The following ACSM6 variants were observed in gnomAD, a reference collection of about 807,000 sequenced individuals.
ACSM6 encodes the protein acyl-CoA synthetase medium chain family member 6.
Under a neutral mutation model 51.1 loss-of-function variants are expected in ACSM6, and 35 were observed. That is an observed-to-expected ratio of 0.69 (90% CI 0.52 to 0.91). The LOEUF is 0.91. ACSM6 is among the 40% of genes least tolerant of loss of function. The pLI, the probability that ACSM6 is intolerant of heterozygous loss-of-function variation, is 0.00. For missense variants in ACSM6, 509 were observed against 584.1 expected (o/e 0.87, Z 1.32); for synonymous variants, 172 against 207.3 (o/e 0.83, Z 1.46).
At chr10:95,219,620 G>C (rs1350632076) in intron 8 of ACSM6, among the ~76,000 whole-genome samples, 3 of 152,064 alleles carry the variant, frequency 2.0e-5, no homozygotes, top group Admixed American at 1.3e-4. Flanking sequence ...TTAAAAAACT[G>C]AGTTGTTGGT....
At chr10:95,197,203 G>A (rs1384830050) in intron 2 of ACSM6, among the ~76,000 whole-genome samples, 1 of 152,112 alleles carries the variant, frequency 6.6e-6, no homozygotes, top group African/African-American at 2.4e-5. Context: ...ATGAAGGGGT[G>A]GCCTGCCCCT....
At chr10:95,214,733 C>T (rs921544413) in intron 7 of ACSM6, 119 bp from the exon 8 acceptor site, 4 of 1,183,864 alleles carry the variant, frequency 3.4e-6, no homozygotes, top group Non-Finnish European at 3.5e-6. Flanking sequence ...TCAACCACCA[C>T]TTAATGAGCA....
rs140596898 is a variant in ACSM6 at position 95,207,275 on chromosome 10, T to C, written c.471T>C (p.Ser157=). The C allele has an allele frequency of 9.1e-5, 147 of 1,614,180 alleles. No individual in the cohort carries two copies. In the African/African-American group the frequency reaches 1.9e-3, roughly 20 times the overall value. ...AAATTCGCTATCAATTACGCATGTC[T>C]AAGGCCCAGTGCATTGTGGCTAATG... Residue 157 remains serine (S), a synonymous_variant, in exon 4 of 11, where the codon TCT becomes TCC. Coordinates refer to ENST00000341686, the Ensembl canonical transcript of ACSM6.
At chr10:95,214,334 C>A (rs982970787) in intron 7 of ACSM6, among the ~76,000 whole-genome samples, 6 of 152,134 alleles carry the variant, frequency 3.9e-5, no homozygotes, top group African/African-American at 1.4e-4. Flanking sequence ...TCACCAAAAT[C>A]AAATAAACAT....
At chr10:95,227,143 C>T (rs973788301) in intron 10 of ACSM6, among the ~76,000 whole-genome samples, 2 of 152,066 alleles carry the variant, frequency 1.3e-5, no homozygotes, top group Admixed American at 6.6e-5. Context: ...CTCACCACCA[C>T]GCCTAGCTAA....
exon 8 of ACSM6, chr10:95,214,876 G>T: frequency 6.4e-7 from 1 of 1,551,668 alleles, no homozygotes; most frequent in Non-Finnish European, 8.7e-7. Context: ...GTCTGAAGCA[G>T]TGTGTGGCTG....
In ACSM6 at chr10:95,207,191, T is replaced by C; in HGVS notation, c.404-17T>C. 1 of 1,569,230 alleles carries C rather than the reference T, an allele frequency of 6.4e-7. No homozygotes were observed. Among genetic ancestry groups the C allele is most frequent in the Non-Finnish European group, 8.6e-7 (1 of 1,156,958 alleles). ...TCAAAAGATAAAAATGAAGCCTTCT[T>C]TTGTGGTTTTTTTCAGGAATCACCT... is the stretch of plus-strand genomic sequence containing the variant. On this transcript the variant is annotated splice_polypyrimidine_tract_variant and intron_variant, in intron 3 of 10. Coordinates refer to ENST00000341686, the Ensembl canonical transcript of ACSM6.
chr10:95,200,499 AAAG>A (rs538640808), intron 2 of ACSM6, among the ~76,000 whole-genome samples: 203 of 151,938 alleles, frequency 1.3e-3, no homozygotes, highest in African/African-American at 4.0e-3. Context: ...AAGAAGAAGA[AAAG>A]AAGAAGAAGA....
At chr10:95,223,401 T>G (rs1036863881) in intron 9 of ACSM6, among the ~76,000 whole-genome samples, 3 of 152,148 alleles carry the variant, frequency 2.0e-5, no homozygotes, top group African/African-American at 7.2e-5. Context: ...AACCATAAAT[T>G]AATATTTCTG....
chr10:95,209,072 C>A (rs2034870010), intron 4 of ACSM6, among the ~76,000 whole-genome samples: 1 of 150,090 alleles, frequency 6.7e-6, no homozygotes, highest in Non-Finnish European at 1.5e-5. Context: ...CCAAAAGAAA[C>A]TCCAAAACAA....
chr10:95,207,332 G>A (rs1388753577), exon 4 of ACSM6: 7 of 1,614,150 alleles, frequency 4.3e-6, no homozygotes, highest in Non-Finnish European at 5.9e-6. Flanking sequence ...ACTCTGCCGT[G>A]TCCGACTGCC....
chr10:95,214,449 G>C (rs773409431), intron 7 of ACSM6, among the ~76,000 whole-genome samples: 2 of 152,202 alleles, frequency 1.3e-5, no homozygotes, highest in Non-Finnish European at 2.9e-5. Flanking sequence ...TATAAAATTA[G>C]TGGCTCTCTT....
At chr10:95,210,673 ACATGAGGACCAAAAG>A in exon 5 of ACSM6, 2 of 1,613,926 alleles carry the variant, frequency 1.2e-6, no homozygotes, top group Non-Finnish European at 1.7e-6. Flanking sequence ...AAGCAGACCT[ACATGAGGACCAAAAG>A]CCAAGATCCA....
chr10:95,204,453 C>G (rs548264632), intron 3 of ACSM6, among the ~76,000 whole-genome samples: 8 of 152,184 alleles, frequency 5.3e-5, no homozygotes, highest in African/African-American at 1.9e-4. Context: ...AATCCGGAGG[C>G]TGAGGCAGGA....
intron 9 of ACSM6, among the ~76,000 whole-genome samples, chr10:95,220,301 C>T (rs1012307559): frequency 1.1e-4 from 16 of 152,048 alleles, no homozygotes; most frequent in Non-Finnish European, 1.8e-4. Flanking sequence ...TTGAATGCAC[C>T]ATAATAAGCA....
At chr10:95,198,583 A>G (rs1589489666) in intron 2 of ACSM6, among the ~76,000 whole-genome samples, 1 of 151,820 alleles carries the variant, frequency 6.6e-6, no homozygotes, top group African/African-American at 2.4e-5. Context: ...CCCGGGAGGC[A>G]GAGGTTGCAG....
chr10:95,202,041 G>A, exon 3 of ACSM6: 2 of 1,551,828 alleles, frequency 1.3e-6, no homozygotes, highest in Non-Finnish European at 1.7e-6. Context: ...AAGGAGAAGA[G>A]GACAAATGGA....
intron 8 of ACSM6, among the ~76,000 whole-genome samples, chr10:95,219,108 G>C (rs927762572): frequency 6.6e-6 from 1 of 152,144 alleles, no homozygotes; most frequent in African/African-American, 2.4e-5. Flanking sequence ...CCAAGATCCA[G>C]TTCTCATGTC....
chr10:95,220,286 C>A (rs1034988729), intron 9 of ACSM6, among the ~76,000 whole-genome samples: 3 of 152,112 alleles, frequency 2.0e-5, no homozygotes, highest in Admixed American at 1.3e-4. Context: ...ATAAAGACAA[C>A]TATTTTGAAT....
Sources: gnomAD v4.1 joint callset for allele counts (sites outside exome capture counted in the v4.1 genomes callset) on GRCh38, gnomAD v4.1.1 for gene constraint, MANE v1.5 for transcripts, NCBI Gene and HGNC (gene_info 2026-07-23, HGNC 2026-07-21) for gene names.